The following APBB2 variants were observed in gnomAD, a reference collection of about 807,000 sequenced individuals.
The protein encoded by APBB2 is Fe65-like 1.
Under a neutral mutation model 82.5 loss-of-function variants are expected in APBB2, and 38 were observed. The ratio of observed to expected loss-of-function variants is 0.46; its 90% CI spans 0.36 to 0.60. The LOEUF (loss-of-function observed/expected upper bound fraction) is 0.60, where lower values mean the gene tolerates loss of function less well. Among genes scored for constraint, APBB2 ranks in the 20% least tolerant of loss-of-function variants. The pLI is 0.00. For synonymous variants in APBB2, 341 were observed against 368.2 expected (o/e 0.93, Z 0.85); for missense variants, 772 against 972.3 (o/e 0.79, Z 2.74).
chr4:40,856,553 T>G (rs1447521757), intron 12 of APBB2, among the ~76,000 whole-genome samples: 1 of 152,224 alleles, frequency 6.6e-6, no homozygotes, highest in East Asian at 1.9e-4. Context: ...TTGCTTTTAA[T>G]CCAAATACTG....
chr4:40,848,477 C>T (rs1758315354), intron 12 of APBB2, among the ~76,000 whole-genome samples: 1 of 152,184 alleles, frequency 6.6e-6, no homozygotes, highest in African/African-American at 2.4e-5. Context: ...GCACCTAGCA[C>T]CTGAGCCTGG....
intron 5 of APBB2, among the ~76,000 whole-genome samples, chr4:41,017,696 G>A (rs890707891): frequency 1.5e-4 from 23 of 152,072 alleles, no homozygotes; most frequent in Non-Finnish European, 5.9e-5. Flanking sequence ...GTAATATAGC[G>A]CGGGGCTGCC....
intron 1 of APBB2, among the ~76,000 whole-genome samples, chr4:41,165,287 T>C (rs1185030153): frequency 3.3e-5 from 5 of 152,160 alleles, no homozygotes; most frequent in Non-Finnish European, 5.9e-5. Flanking sequence ...TTGGATTCTC[T>C]GATCCTCCAA....
intron 5 of APBB2, among the ~76,000 whole-genome samples, chr4:41,021,072 T>C (rs777390537): frequency 4.6e-5 from 7 of 152,222 alleles, no homozygotes; most frequent in Non-Finnish European, 7.3e-5. Flanking sequence ...CTTCGGGCCC[T>C]GTATTTTTAA....
At chr4:41,172,568 G>A (rs374813669) in intron 1 of APBB2, among the ~76,000 whole-genome samples, 7 of 152,222 alleles carry the variant, frequency 4.6e-5, no homozygotes, top group Admixed American at 6.5e-5. Context: ...CAGAGGGCAG[G>A]AACTAAGTGT....
At chr4:40,920,321 G>C (rs766977025) in intron 10 of APBB2, among the ~76,000 whole-genome samples, 1 of 152,168 alleles carries the variant, frequency 6.6e-6, no homozygotes, top group Non-Finnish European at 1.5e-5. Context: ...CCAGCCATGT[G>C]GAACAGTGAG....
chr4:41,025,806 C>G (rs1269265796), intron 5 of APBB2, among the ~76,000 whole-genome samples: 1 of 140,216 alleles, frequency 7.1e-6, no homozygotes, highest in Non-Finnish European at 1.5e-5. Flanking sequence ...ATAATCCCAG[C>G]TAGTTGGAAG....
At position 41,192,201 on chromosome 4, in the gene APBB2, T is replaced by G. The variant is rs571260676; in HGVS notation, c.-417+22204A>C. Among the ~76,000 whole-genome samples the G allele has an allele frequency of 2.2e-4, 33 of 152,312 alleles. 1 individual carries two copies. The South Asian group carries it at 6.0e-3, about 28-fold the overall frequency. ...GTACACTGTTGGTGGGAATATAGAC[T>G]GGTGTAGTCATTATGGAAAACAGTA... On this transcript the variant is annotated intron_variant, in intron 1 of 17. Transcript: ENST00000508593.
At chr4:41,108,443 G>GA (rs906034296) in intron 2 of APBB2, among the ~76,000 whole-genome samples, 2 of 150,424 alleles carry the variant, frequency 1.3e-5, no homozygotes, top group Non-Finnish European at 3.0e-5. Flanking sequence ...ACGTTGAGAA[G>GA]AAAAAAAAAG....
chr4:41,141,459 A>G (rs2661671), intron 2 of APBB2, among the ~76,000 whole-genome samples: 1 of 152,154 alleles, frequency 6.6e-6, no homozygotes. Flanking sequence ...GCTTTGATTT[A>G]TCCTGTGTTG....
At chr4:40,895,941 T>C (rs1773546440) in intron 10 of APBB2, among the ~76,000 whole-genome samples, 1 of 152,214 alleles carries the variant, frequency 6.6e-6, no homozygotes, top group South Asian at 2.1e-4. Context: ...CCTGGGCAGT[T>C]TGGCTTCTGG....
At position 40,818,438 on chromosome 4, in the gene APBB2, C is replaced by T. The variant is rs958301043; in HGVS notation, c.2113-2179G>A. On this transcript the variant is annotated intron_variant, in intron 17 of 17. Transcript: ENST00000508593. ...AAACTCATTGTCGTTATCACTTAAACGTATAATTAAGTCGGAAAGCCATTC... is the reference window on the plus strand; with the variant it reads ...AAACTCATTGTCGTTATCACTTAAATGTATAATTAAGTCGGAAAGCCATTC... Among the ~76,000 whole-genome samples, 9 of 152,312 alleles carry T rather than the reference C, an allele frequency of 5.9e-5. No homozygotes were observed. In the East Asian group the frequency reaches 7.7e-4, roughly 13 times the overall value.
At chr4:40,907,076 T>C (rs927433789) in intron 10 of APBB2, among the ~76,000 whole-genome samples, 2 of 152,098 alleles carry the variant, frequency 1.3e-5, no homozygotes, top group Non-Finnish European at 2.9e-5. Flanking sequence ...GACTTCCTTT[T>C]ACATATCTTG....
At chr4:40,830,211 C>CACACACACACACACACATATATATAT (rs1292292234) in intron 13 of APBB2, among the ~76,000 whole-genome samples, 21 of 149,546 alleles carry the variant, frequency 1.4e-4, no homozygotes, top group African/African-American at 4.4e-4. Flanking sequence ...CACACACACA[C>CACACACACACACACACATATATATAT]ATATATATAT....
rs796213073 is a variant in APBB2 at position 41,189,831 on chromosome 4, G to T, written c.-417+24574C>A. On this transcript the variant is annotated intron_variant, in intron 1 of 17. Coordinates refer to ENST00000508593, the MANE Select transcript of APBB2 (RefSeq NM_004307.2). The stretch of plus-strand genomic sequence containing the variant: ...TCCCTCCTCTGTGTTACATGAACAG[G>T]TTTCTCCACGATAACACTTACTGTC... 5.9e-5 allele frequency among the ~76,000 whole-genome samples: 9 copies of T among 152,202 alleles called. 1 individual carries two copies. In the East Asian group the frequency reaches 1.4e-3, roughly 23 times the overall value.
At chr4:41,144,219 CT>C (rs1760049649) in intron 1 of APBB2, among the ~76,000 whole-genome samples, 2 of 152,176 alleles carry the variant, frequency 1.3e-5, no homozygotes, top group Admixed American at 6.5e-5. Context: ...CAAAACAGTC[CT>C]CGTCACAAGT....
At chr4:40,856,950 A>G in intron 12 of APBB2, 1 of 985,366 alleles carries the variant, frequency 1.0e-6, no homozygotes, top group Non-Finnish European at 1.2e-6. Context: ...CCCGCGAGCG[A>G]GCTTGGGCTC....
intron 1 of APBB2, among the ~76,000 whole-genome samples, chr4:41,186,057 A>T (rs920549884): frequency 6.6e-6 from 1 of 152,238 alleles, no homozygotes; most frequent in Non-Finnish European, 1.5e-5. Flanking sequence ...TAGCACAAGA[A>T]TGTCTTACAC....
intron 4 of APBB2, among the ~76,000 whole-genome samples, chr4:41,051,350 C>T (rs935188661): frequency 6.6e-6 from 1 of 152,238 alleles, no homozygotes; most frequent in Non-Finnish European, 1.5e-5. Flanking sequence ...TCTGTTAGGA[C>T]ACACTTACAT....
Sources: allele counts gnomAD v4.1 joint callset (sites outside exome capture counted in the v4.1 genomes callset), GRCh38; gene constraint gnomAD v4.1.1; transcripts MANE v1.5; gene names NCBI Gene and HGNC (gene_info 2026-07-23, HGNC 2026-07-21).